The following TRIO variants were observed in gnomAD, a reference collection of about 807,000 sequenced individuals.
The protein encoded by TRIO is trio Rho guanine nucleotide exchange factor, also known as triple functional domain protein.
In TRIO, 58 loss-of-function variants were observed where a neutral mutation model predicts 351.9. The observed-to-expected ratio is 0.16, with a 90% CI of 0.13 to 0.21. The LOEUF (loss-of-function observed/expected upper bound fraction) is 0.21. Among genes scored for constraint, TRIO ranks in the 10% least tolerant of loss-of-function variants. The pLI is 1.00. For missense variants in TRIO, 3,201 were observed against 4,027.8 expected, an observed-to-expected ratio of 0.79 and a Z score of 5.56; for synonymous variants, 1,758 against 1,595.7, an observed-to-expected ratio of 1.10 and a Z score of -2.42.
intron 37 of TRIO, among the ~76,000 whole-genome samples, chr5:14,468,726 C>G (rs555647509): frequency 2.0e-5 from 3 of 152,176 alleles, no homozygotes; most frequent in Non-Finnish European, 4.4e-5. Flanking sequence ...CTGAGGCTGT[C>G]GCACACTCAT....
At chr5:14,296,168 G>A (rs1434582021) in intron 6 of TRIO, among the ~76,000 whole-genome samples, 1 of 152,088 alleles carries the variant, frequency 6.6e-6, no homozygotes, top group Non-Finnish European at 1.5e-5. Flanking sequence ...GGACAGATCA[G>A]GAAATCAGAT....
At chr5:14,430,471 C>G (rs1751005254) in intron 34 of TRIO, among the ~76,000 whole-genome samples, 1 of 152,074 alleles carries the variant, frequency 6.6e-6, no homozygotes, top group South Asian at 2.1e-4. Flanking sequence ...AACTTCCCTT[C>G]CCTCAGTATG....
At position 14,240,402 on chromosome 5, in the gene TRIO, T is replaced by C. The variant is rs559099083; in HGVS notation, c.158-30423T>C. Reference sequence around the variant, plus strand: ...AGATTGGGAAGGACCAATATTCTTATGTCTGTGAAAATCACTGTAAAATTT... The same window carrying C: ...AGATTGGGAAGGACCAATATTCTTACGTCTGTGAAAATCACTGTAAAATTT... On this transcript the variant is annotated intron_variant, in intron 1 of 56. Transcript: ENST00000344204. Among the ~76,000 whole-genome samples, 71 of 152,362 alleles carry C rather than the reference T, an allele frequency of 4.7e-4. No individual in the cohort carries two copies. In the South Asian group the frequency reaches 6.4e-3, roughly 14 times the overall value.
At chr5:14,249,865 C>T (rs1243697393) in intron 1 of TRIO, among the ~76,000 whole-genome samples, 1 of 152,162 alleles carries the variant, frequency 6.6e-6, no homozygotes. Context: ...CACCCACCCT[C>T]AGAATGGAAA....
chr5:14,249,458 C>T (rs1044165321), intron 1 of TRIO, among the ~76,000 whole-genome samples: 1 of 152,074 alleles, frequency 6.6e-6, no homozygotes, highest in Non-Finnish European at 1.5e-5. Flanking sequence ...TCTGGACTTT[C>T]GAGGGGGGAA....
chr5:14,474,306 G>A (rs1324046869), intron 40 of TRIO, among the ~76,000 whole-genome samples: 2 of 152,140 alleles, frequency 1.3e-5, no homozygotes, highest in Non-Finnish European at 1.5e-5. Flanking sequence ...TCTTCGTGCT[G>A]GTCCATGTCG....
chr5:14,248,179 A>G (rs554468819), intron 1 of TRIO, among the ~76,000 whole-genome samples: 5 of 152,324 alleles, frequency 3.3e-5, no homozygotes, highest in Admixed American at 2.0e-4. Flanking sequence ...ATATTAGGAA[A>G]TCATAGAGTT....
intron 39 of TRIO, among the ~76,000 whole-genome samples, chr5:14,472,915 A>G (rs572255093): frequency 6.6e-6 from 1 of 152,352 alleles, no homozygotes; most frequent in South Asian, 2.1e-4. Context: ...TACAATTATT[A>G]TAAATAATTT....
chr5:14,337,225 A>G (rs1011440391), intron 11 of TRIO, among the ~76,000 whole-genome samples: 1 of 152,218 alleles, frequency 6.6e-6, no homozygotes, highest in African/African-American at 2.4e-5. Context: ...TAATCAGCTC[A>G]TCTCATGACA....
chr5:14,503,861 A>G (rs1335306681), intron 54 of TRIO, among the ~76,000 whole-genome samples: 1 of 152,200 alleles, frequency 6.6e-6, no homozygotes, highest in Non-Finnish European at 1.5e-5. Flanking sequence ...CTGAGGTCCA[A>G]GGCCTCGTCC....
chr5:14,183,173 G>A (rs1025483087), intron 1 of TRIO, among the ~76,000 whole-genome samples: 4 of 152,088 alleles, frequency 2.6e-5, no homozygotes, highest in Non-Finnish European at 4.4e-5. Context: ...GTTTGTTCCC[G>A]GTGGCCTGGA....
chr5:14,465,604 C>T lies in TRIO; in HGVS notation c.5727C>T (p.Leu1909=), dbSNP rs200594729. The T allele has an allele frequency of 4.3e-6, 7 of 1,614,080 alleles. No individual in the cohort carries two copies. Among genetic ancestry groups the T allele is most frequent in the African/African-American group, 2.7e-5 (2 of 75,016 alleles). ...CCGAAACACCGAGTGCAGCCGAGCT[C>T]GTCAGTGCAATTGAGGAACTCGTGA... ...TSSETPSAAE[L]VSAIEELVKS... Residue 1909 remains leucine, a synonymous_variant, in exon 37 of 57, where the codon CTC becomes CTT. Transcript: ENST00000344204.
At position 14,497,817 on chromosome 5, in the gene TRIO, G is replaced by T. The variant is rs772266433; in HGVS notation, c.8020-30G>T. The T allele has an allele frequency of 1.2e-6, 2 of 1,614,136 alleles. No individual in the cohort carries two copies. Among genetic ancestry groups the T allele is most frequent in the East Asian group, 4.5e-5 (2 of 44,886 alleles). ...ATACACCTTAAAGTAGCTCATTTCA[G>T]TTAATGCTTGTTTGCTGTTTCCATT... On this transcript the variant is annotated intron_variant, in intron 50 of 56. Transcript: ENST00000344204. The surrounding 1 kb of genome is among the most constrained non-coding windows in gnomAD (Gnocchi z 4.4).
Position 14,290,758 on chromosome 5 carries a change from C to G in TRIO, c.583C>G (p.Pro195Ala), listed in dbSNP as rs1736837525. ...SLEGLTKVVDPSQLTPEFDGC... is the reference protein window; with the variant it reads ...SLEGLTKVVDASQLTPEFDGC... ...AGAAGGCCTTACCAAAGTAGTTGAT[C>G]CTTCTCAGCTAACTCCTGAGTTTGA... Residue 195 changes from proline (P) to alanine (A), a missense_variant, in exon 5 of 57, where the codon CCT (proline) becomes GCT (alanine). By Grantham distance (27) the Pro-to-Ala change is conservative. Around this residue, in one of 19 missense-constraint regions of TRIO, gnomAD observed 15 missense variants for 16.4 expected, o/e 0.91. Transcript: ENST00000344204. 6.2e-7 allele frequency: 1 copy of G among 1,613,990 alleles called. No homozygotes were observed. The highest frequency in any genetic ancestry group is 2.2e-5 in the East Asian group (1 of 44,878).
chr5:14,452,749 C>T (rs1212335323), intron 34 of TRIO, among the ~76,000 whole-genome samples: 1 of 152,190 alleles, frequency 6.6e-6, no homozygotes, highest in African/African-American at 2.4e-5. Context: ...CTACTCTGCT[C>T]AGCAATGCAG....
chr5:14,477,736 C>T (rs567068527), intron 41 of TRIO, among the ~76,000 whole-genome samples: 7 of 152,150 alleles, frequency 4.6e-5, no homozygotes, highest in Admixed American at 6.5e-5. Context: ...TGCAGCCATG[C>T]GCGGTCCTGT....
intron 1 of TRIO, among the ~76,000 whole-genome samples, chr5:14,257,048 G>A (rs1381745008): frequency 2.1e-4 from 32 of 152,226 alleles, no homozygotes; most frequent in Non-Finnish European, 4.4e-5. Flanking sequence ...GGAAGATCCT[G>A]TTTATTTTTG....
Position 14,487,812 on chromosome 5 carries a change from C to G in TRIO, c.7184C>G (p.Pro2395Arg). The G allele has an allele frequency of 1.4e-6, 2 of 1,456,748 alleles. No homozygotes were observed. Among genetic ancestry groups the G allele is most frequent in the South Asian group, 1.3e-5 (1 of 75,470 alleles). The allele number at this position is 1,456,748 out of a possible 1,614,324, so 90.2% of individuals were successfully genotyped here. A position where few individuals can be genotyped will look rare whatever the true frequency, so the allele number is the denominator to read the frequency against. The change falls in exon 48 of 57, where the codon CCC becomes CGC. Residue 2395 changes from proline (P) to arginine (R), a missense_variant. By Grantham distance (103) the Pro-to-Arg change is moderately radical. Transcript: ENST00000344204. ...AGPSAPSRRP[P>R]GADAEGSERE... Reference sequence around the variant, plus strand: ...CCCAGCGCGCCCAGCAGGCGGCCCCCCGGCGCGGACGCCGAGGGGTCCGAG... The same window carrying G: ...CCCAGCGCGCCCAGCAGGCGGCCCCGCGGCGCGGACGCCGAGGGGTCCGAG...
chr5:14,485,852 G>A (rs1293725511), intron 47 of TRIO, among the ~76,000 whole-genome samples: 1 of 152,210 alleles, frequency 6.6e-6, no homozygotes, highest in Non-Finnish European at 1.5e-5. Context: ...GCCGGGCGTG[G>A]TGGCGCATGC....
Sources: allele counts gnomAD v4.1 joint callset (sites outside exome capture counted in the v4.1 genomes callset), GRCh38; gene constraint gnomAD v4.1.1; regional missense constraint gnomAD v4.1.1; non-coding constraint Gnocchi (gnomAD v3.1); transcripts MANE v1.5; gene names NCBI Gene and HGNC (gene_info 2026-07-23, HGNC 2026-07-21).